The following IL1RAPL2 variants were observed in gnomAD, a reference collection of about 807,000 sequenced individuals.
IL1RAPL2 encodes the protein X-linked interleukin-1 receptor accessory protein-like 2.
IL1RAPL2 carries 3 observed loss-of-function variants against 44.1 expected under a neutral mutation model. The ratio of observed to expected loss-of-function variants is 0.07; its 90% CI spans 0.03 to 0.18. The LOEUF is 0.18. Among genes scored for constraint, IL1RAPL2 ranks in the 10% least tolerant of loss-of-function variants. IL1RAPL2 has a pLI of 1.00. For synonymous variants in IL1RAPL2, 181 were observed against 178.8 expected (o/e 1.01, Z -0.10); for missense variants, 391 against 496.4 (o/e 0.79, Z 2.02).
chrX:105,063,016 ACTT>A (rs1329793587), intron 2 of IL1RAPL2, among the ~76,000 whole-genome samples: 1 of 111,198 alleles, frequency 9.0e-6, no homozygotes, highest in Admixed American at 9.6e-5. Flanking sequence ...CTTTGAATAA[ACTT>A]CGTAGCCCTA....
chrX:104,904,754 A>ACT (rs1923932871), intron 2 of IL1RAPL2, among the ~76,000 whole-genome samples: 1 of 109,923 alleles, frequency 9.1e-6, no homozygotes, highest in Non-Finnish European at 1.9e-5. Flanking sequence ...ATAATGCTGC[A>ACT]ATAAACATAC....
chrX:105,052,191 T>C (rs1255939312), intron 2 of IL1RAPL2, among the ~76,000 whole-genome samples: 2 of 111,891 alleles, frequency 1.8e-5, no homozygotes, highest in Non-Finnish European at 3.8e-5. Flanking sequence ...GCATACCTCA[T>C]GGTCAAAGAG....
chrX:104,857,888 T>TA (rs772660239), intron 2 of IL1RAPL2, among the ~76,000 whole-genome samples: 94 of 111,167 alleles, frequency 8.5e-4, no homozygotes, highest in Non-Finnish European at 1.6e-3. Context: ...TCATACATAC[T>TA]AAAAAAAATC....
intron 6 of IL1RAPL2, among the ~76,000 whole-genome samples, chrX:105,713,627 G>A (rs2038232700): frequency 9.0e-6 from 1 of 111,187 alleles, no homozygotes; most frequent in African/African-American, 3.3e-5. Flanking sequence ...CCATATCAGA[G>A]CCCATGGAGG....
chrX:104,679,072 T>G (rs1930844457), intron 2 of IL1RAPL2, among the ~76,000 whole-genome samples: 1 of 112,032 alleles, frequency 8.9e-6, no homozygotes, highest in African/African-American at 3.2e-5. Context: ...ACATCCTGAT[T>G]AGATCTTTAA....
intron 2 of IL1RAPL2, among the ~76,000 whole-genome samples, chrX:104,668,898 C>T (rs772805760): frequency 9.0e-6 from 1 of 110,917 alleles, no homozygotes; most frequent in Non-Finnish European, 1.9e-5. Flanking sequence ...CCCACAACCA[C>T]GATTCTTCAG....
intron 4 of IL1RAPL2, among the ~76,000 whole-genome samples, chrX:105,244,082 C>G: frequency 9.0e-6 from 1 of 111,121 alleles, no homozygotes; most frequent in Non-Finnish European, 1.9e-5. Flanking sequence ...CAGTGCATTG[C>G]CATTCATTTG....
chrX:105,704,134 A>G (rs779307984), intron 6 of IL1RAPL2, among the ~76,000 whole-genome samples: 12 of 112,075 alleles, frequency 1.1e-4, no homozygotes, highest in Admixed American at 1.0e-3. Context: ...CACAACGATA[A>G]TACAAAGCAG....
intron 1 of IL1RAPL2, among the ~76,000 whole-genome samples, chrX:104,599,866 T>C (rs918095252): frequency 2.3e-4 from 26 of 111,549 alleles, no homozygotes; most frequent in Non-Finnish European, 4.0e-4. Context: ...TGTGAGTTTT[T>C]TTTGTGTGTG....
chrX:105,195,604 G>C lies in IL1RAPL2; in HGVS notation c.212G>C (p.Gly71Ala), dbSNP rs1474647997. The C allele has an allele frequency of 8.3e-7, 1 of 1,210,481 alleles. No individual in the cohort carries two copies. The highest frequency in any genetic ancestry group is 1.1e-6 in the Non-Finnish European group (1 of 895,318). ...AACTATAGCACGGCCCAGAGCACTGGGCTCAGGCTTATGTGGTACAAAAAC... is the reference window on the plus strand; with the variant it reads ...AACTATAGCACGGCCCAGAGCACTGCGCTCAGGCTTATGTGGTACAAAAAC... ...RTNYSTAQSTGLRLMWYKNKG... is the reference protein window; with the variant it reads ...RTNYSTAQSTALRLMWYKNKG... Residue 71 changes from glycine to alanine, a missense_variant, in exon 3 of 11, where the codon GGG becomes GCG. By Grantham distance (60) the Gly-to-Ala change is moderately conservative. Around this residue, in one of 2 missense-constraint regions of IL1RAPL2, gnomAD observed 159 missense variants for 251.7 expected, o/e 0.63. Transcript: ENST00000372582.
chrX:105,565,524 A>T (rs2036968058), intron 6 of IL1RAPL2, among the ~76,000 whole-genome samples: 1 of 112,063 alleles, frequency 8.9e-6, no homozygotes, highest in South Asian at 3.7e-4. Flanking sequence ...TCATTTTAAC[A>T]ATAAGCCTTC....
At chrX:104,713,534 G>A (rs1311388354) in intron 2 of IL1RAPL2, among the ~76,000 whole-genome samples, 2 of 110,840 alleles carry the variant, frequency 1.8e-5, no homozygotes, top group African/African-American at 6.5e-5. Flanking sequence ...CAATCAAGAT[G>A]GGGTTTGGTT....
At chrX:104,688,304 T>G (rs781075797) in intron 2 of IL1RAPL2, among the ~76,000 whole-genome samples, 52 of 111,856 alleles carry the variant, frequency 4.6e-4, no homozygotes, top group African/African-American at 1.6e-3. Flanking sequence ...GTTAAAGGGA[T>G]TTTTTTTACA....
intron 5 of IL1RAPL2, among the ~76,000 whole-genome samples, chrX:105,370,021 C>A (rs1288348342): frequency 2.7e-5 from 3 of 111,765 alleles, no homozygotes; most frequent in Non-Finnish European, 5.6e-5. Flanking sequence ...CACTTTAATT[C>A]CCTTATACCA....
intron 2 of IL1RAPL2, among the ~76,000 whole-genome samples, chrX:105,057,387 A>C (rs1334631221): frequency 8.9e-6 from 1 of 112,032 alleles, no homozygotes; most frequent in Non-Finnish European, 1.9e-5. Context: ...TGTTTGGCTA[A>C]GGAAAAGGCA....
chrX:105,614,339 G>A (rs2037357626), intron 6 of IL1RAPL2, among the ~76,000 whole-genome samples: 1 of 111,963 alleles, frequency 8.9e-6, no homozygotes, highest in Non-Finnish European at 1.9e-5. Context: ...ATTATAAAAT[G>A]TATATAAAAC....
chrX:105,150,738 G>T (rs922341978), intron 2 of IL1RAPL2, among the ~76,000 whole-genome samples: 1 of 111,835 alleles, frequency 8.9e-6, no homozygotes, highest in Admixed American at 9.5e-5. Flanking sequence ...ATTACCCTCT[G>T]TTTATGCACT....
chrX:105,036,065 A>G (rs147455447), intron 2 of IL1RAPL2, among the ~76,000 whole-genome samples: 1 of 111,770 alleles, frequency 8.9e-6, no homozygotes, highest in African/African-American at 3.3e-5. Flanking sequence ...TATCAGTGTC[A>G]TTCTTTTGGT....
chrX:104,855,681 G>GTTTTTTTTTTTTTTTTTTTTTTTTTTTT (rs1556002120), intron 2 of IL1RAPL2, among the ~76,000 whole-genome samples: 2 of 53,865 alleles, frequency 3.7e-5, no homozygotes, highest in African/African-American at 6.1e-5. Context: ...ATCTGGATCC[G>GTTTTTTTTTTTTTTTTTTTTTTTTTTTT]TTTTTTTTTT....
Sources: allele counts gnomAD v4.1 joint callset (sites outside exome capture counted in the v4.1 genomes callset), GRCh38; gene constraint gnomAD v4.1.1; regional missense constraint gnomAD v4.1.1; transcripts MANE v1.5; gene names NCBI Gene and HGNC (gene_info 2026-07-23, HGNC 2026-07-21).